TTC23: variants seen among roughly 807,000 people sequenced by gnomAD.
TTC23 encodes tetratricopeptide repeat protein 23.
A neutral mutation model predicts 55.1 loss-of-function variants in TTC23; 58 were observed. The ratio of observed to expected loss-of-function variants is 1.05; its 90% confidence interval spans 0.85 to 1.31. The LOEUF (loss-of-function observed/expected upper bound fraction) is 1.31. TTC23 is among the 50% of genes most tolerant of loss of function. The probability of loss-of-function intolerance (pLI) is 0.00; values close to 1 mark genes in which losing one functional copy is unlikely to be tolerated. For synonymous variants in TTC23, 203 were observed against 199.9 expected, an observed-to-expected ratio of 1.02 and a Z score of -0.13; for missense variants, 516 against 534.4, an observed-to-expected ratio of 0.97 and a Z score of 0.34.
chr15:99,167,450 G>GA (rs1433025870), intron 10 of TTC23, among the ~76,000 whole-genome samples: 3 of 152,182 alleles, frequency 2.0e-5, no homozygotes, highest in African/African-American at 7.2e-5. Context: ...CCAAGGCCAC[G>GA]AATCTTCTAT....
intron 11 of TTC23, chr15:99,159,415 T>C (rs1469975503): frequency 2.0e-5 from 3 of 152,244 alleles, no homozygotes; most frequent in Admixed American, 6.5e-5. Context: ...CTTACAAATA[T>C]TTGATGACAT....
intron 12 of TTC23, among the ~76,000 whole-genome samples, chr15:99,148,225 G>A (rs2069190975): frequency 6.6e-6 from 1 of 151,682 alleles, no homozygotes. Flanking sequence ...GCCAGGCATG[G>A]TGGCACATGC....
chr15:99,178,130 C>T (rs535015397), intron 9 of TTC23, among the ~76,000 whole-genome samples: 1 of 152,208 alleles, frequency 6.6e-6, no homozygotes, highest in East Asian at 1.9e-4. Flanking sequence ...TGCAGTGAGC[C>T]GTGATCGTGT....
intron 11 of TTC23, among the ~76,000 whole-genome samples, chr15:99,156,874 C>T (rs2070658300): frequency 6.6e-6 from 1 of 152,184 alleles, no homozygotes; most frequent in African/African-American, 2.4e-5. Context: ...ACCCACTCAG[C>T]CATTACAGGA....
At chr15:99,166,327 T>G (rs1451360068) in intron 10 of TTC23, among the ~76,000 whole-genome samples, 3 of 152,184 alleles carry the variant, frequency 2.0e-5, no homozygotes, top group Non-Finnish European at 4.4e-5. Context: ...GCTGGTCCTC[T>G]CAACCCGAGA....
intron 2 of TTC23, among the ~76,000 whole-genome samples, chr15:99,244,773 T>C (rs1425171597): frequency 6.6e-6 from 1 of 152,110 alleles, no homozygotes; most frequent in Non-Finnish European, 1.5e-5. Flanking sequence ...AATTAACAAG[T>C]TGATCCTTAT....
intron 10 of TTC23, among the ~76,000 whole-genome samples, chr15:99,170,303 T>G (rs1286247410): frequency 6.6e-6 from 1 of 152,098 alleles, no homozygotes; most frequent in Non-Finnish European, 1.5e-5. Context: ...CAGTGGCGTT[T>G]TGTTAGAGGG....
chr15:99,212,582 A>G (rs947086733), intron 8 of TTC23, among the ~76,000 whole-genome samples: 3 of 152,162 alleles, frequency 2.0e-5, no homozygotes, highest in Non-Finnish European at 4.4e-5. Context: ...GGAGGCATGG[A>G]GCATGAGTCA....
At chr15:99,191,211 G>T (rs148626188) in intron 9 of TTC23, among the ~76,000 whole-genome samples, 1 of 152,156 alleles carries the variant, frequency 6.6e-6, no homozygotes, top group Admixed American at 6.5e-5. Context: ...AAGTAAATGC[G>T]TTTGATTTCA....
intron 9 of TTC23, among the ~76,000 whole-genome samples, chr15:99,188,404 G>A (rs927676131): frequency 6.6e-6 from 1 of 151,912 alleles, no homozygotes; most frequent in African/African-American, 2.4e-5. Flanking sequence ...TTAAATAGTG[G>A]TAATGGTTAC....
At chr15:99,240,346 G>A (rs2079668051) in intron 3 of TTC23, among the ~76,000 whole-genome samples, 1 of 152,140 alleles carries the variant, frequency 6.6e-6, no homozygotes, top group East Asian at 1.9e-4. Context: ...TAAAAGAGAG[G>A]TTATATTTAT....
At chr15:99,247,559 T>A (rs972664719) in intron 1 of TTC23, among the ~76,000 whole-genome samples, 1 of 152,184 alleles carries the variant, frequency 6.6e-6, no homozygotes, top group Admixed American at 6.5e-5. Context: ...TACTACAACA[T>A]GGATGAACCT....
chr15:99,152,782 T>G (rs550616144), intron 12 of TTC23, among the ~76,000 whole-genome samples: 1 of 152,194 alleles, frequency 6.6e-6, no homozygotes, highest in East Asian at 1.9e-4. Context: ...GTGCCACCGG[T>G]GTAACAACCA....
At chr15:99,160,173 CAT>C in intron 11 of TTC23, 1 of 150,434 alleles carries the variant, frequency 6.6e-6, no homozygotes, top group Middle Eastern at 3.4e-3. Context: ...GCCTGAGAAA[CAT>C]AGGTATATCG....
At chr15:99,236,736 G>A (rs943683197) in intron 3 of TTC23, among the ~76,000 whole-genome samples, 5 of 152,108 alleles carry the variant, frequency 3.3e-5, no homozygotes, top group Non-Finnish European at 7.4e-5. Flanking sequence ...TTGTTGATCT[G>A]TAGGATTTCT....
At chr15:99,230,615 A>T (rs1386167837) in intron 4 of TTC23, among the ~76,000 whole-genome samples, 1 of 152,202 alleles carries the variant, frequency 6.6e-6, no homozygotes, top group Non-Finnish European at 1.5e-5. Flanking sequence ...AAGTAGAGAA[A>T]AAAGACACAT....
chr15:99,188,469 T>C (rs976464567), intron 9 of TTC23, among the ~76,000 whole-genome samples: 1 of 151,990 alleles, frequency 6.6e-6, no homozygotes, highest in African/African-American at 2.4e-5. Context: ...ATGGGTAAAT[T>C]TGTGGTATAC....
intron 9 of TTC23, among the ~76,000 whole-genome samples, chr15:99,186,835 T>C (rs989903231): frequency 6.6e-6 from 1 of 152,074 alleles, no homozygotes; most frequent in African/African-American, 2.4e-5. Context: ...CCATGTTCAG[T>C]GATTGAAAGG....
rs547919962 is a variant in TTC23 at position 99,236,984 on chromosome 15, T to TG, written c.-113-1905_-113-1904insC. ...AGGAGTCATCATTTCACTCCTAAGT[T>TG]TTTTTTTTTTTTTTGAGACAGAGTT... On this transcript the variant is annotated intron_variant, in intron 3 of 13. Coordinates refer to ENST00000394132, the MANE Select transcript of TTC23 (RefSeq NM_001288615.3). Among the ~76,000 whole-genome samples, 131 of 148,998 alleles carry TG rather than the reference T, an allele frequency of 8.8e-4. 2 individuals carry two copies. In the South Asian group the frequency reaches 0.015, roughly 17 times the overall value.
Sources: allele counts gnomAD v4.1 joint callset (sites outside exome capture counted in the v4.1 genomes callset), GRCh38; gene constraint gnomAD v4.1.1; transcripts MANE v1.5; gene names NCBI Gene and HGNC (gene_info 2026-07-23, HGNC 2026-07-21).